NOSIP: variants seen among roughly 807,000 people sequenced by gnomAD.
NOSIP encodes nitric oxide synthase-interacting protein.
In NOSIP, 25 loss-of-function variants were observed where a neutral mutation model predicts 36.4. That is an observed-to-expected ratio of 0.69 (90% CI 0.50 to 0.96). The LOEUF (loss-of-function observed/expected upper bound fraction) is 0.96. Among genes scored for constraint, NOSIP ranks in the 40% least tolerant of loss-of-function variants. The probability of loss-of-function intolerance (pLI) is 0.00; values close to 1 mark genes in which losing one functional copy is unlikely to be tolerated. For missense variants in NOSIP, 370 were observed against 429.0 expected (o/e 0.86, Z 1.21); for synonymous variants, 187 against 179.2 (o/e 1.04, Z -0.35).
At position 49,560,489 on chromosome 19, in the gene NOSIP, A is replaced by G. The variant is rs1599748884; in HGVS notation, c.70+133T>C. On this transcript the variant is annotated intron_variant, in intron 2 of 8. Coordinates refer to ENST00000596358, the MANE Select transcript of NOSIP (RefSeq NM_001270960.2). This position sits in a 1 kb window ranked among gnomAD's most constrained non-coding sequence, Gnocchi z 4.6. ...ATGGGATCACCCAGCTGTTGTTTAC[A>G]TGGTCATGGCCATCAGTGTATATCG... 2 of 685,520 alleles carry G rather than the reference A, an allele frequency of 2.9e-6. No individual in the cohort carries two copies. The highest frequency in any genetic ancestry group is 5.2e-6 in the Non-Finnish European group (2 of 384,928). 42.5% of individuals were successfully genotyped at this position (685,520 alleles called of 1,614,324 possible). A position where few individuals can be genotyped will look rare whatever the true frequency, so the allele number is the denominator to read the frequency against.
chr19:49,576,210 A>C (rs188443215), intron 1 of NOSIP, among the ~76,000 whole-genome samples: 60 of 152,144 alleles, frequency 3.9e-4, no homozygotes, highest in African/African-American at 1.4e-3. Flanking sequence ...AAAGTCAGAT[A>C]TCTCCTGGCT....
At chr19:49,576,905 A>AAAAAAAAAAAAAAAAG (rs1568412796) in intron 1 of NOSIP, among the ~76,000 whole-genome samples, 1 of 151,630 alleles carries the variant, frequency 6.6e-6, no homozygotes, top group African/African-American at 2.4e-5. Flanking sequence ...AAAAAAAAAA[A>AAAAAAAAAAAAAAAAG]AAAATCAGGA....
intron 1 of NOSIP, among the ~76,000 whole-genome samples, chr19:49,577,628 G>T (rs551739793): frequency 6.6e-6 from 1 of 151,848 alleles, no homozygotes; most frequent in South Asian, 2.1e-4. Context: ...GCTGGGCGCC[G>T]ATGGCTCACA....
At chr19:49,557,562 A>G in intron 4 of NOSIP, 1 of 1,236,636 alleles carries the variant, frequency 8.1e-7, no homozygotes, top group South Asian at 2.6e-5. Flanking sequence ...GAAGGGTTAC[A>G]TAAGGTGAGT....
At chr19:49,558,637 C>T (rs2080289754) in intron 4 of NOSIP, 4 of 475,460 alleles carry the variant, frequency 8.4e-6, no homozygotes. Context: ...GGGCATGTGT[C>T]AGACAGCCAC....
At chr19:49,565,254 CAG>C (rs1467398120) in intron 1 of NOSIP, among the ~76,000 whole-genome samples, 1 of 148,374 alleles carries the variant, frequency 6.7e-6, no homozygotes, top group East Asian at 2.0e-4. Flanking sequence ...GCCTGGGAGT[CAG>C]AGTGAGACCC....
At chr19:49,566,958 GGC>G (rs1159400917) in intron 1 of NOSIP, among the ~76,000 whole-genome samples, 1 of 150,772 alleles carries the variant, frequency 6.6e-6, no homozygotes, top group Non-Finnish European at 1.5e-5. Flanking sequence ...TGGGATTACA[GGC>G]GCGCACCACC....
rs760425715 is a variant in NOSIP, at chr19:49,559,981, G to C, written c.129C>G (p.Phe43Leu). ...IRLSRDAVKD[F>L]DCCCLSLQPC... is the part of the protein sequence containing the mutation. ...GCTGCAGGGAGAGACAACAGCAGTC[G>C]AAGTCCTTCACGGCATCCCGGCTCA... The change falls in exon 3 of 9, where the codon TTC becomes TTG. Residue 43 changes from phenylalanine to leucine, a missense_variant. Around this residue, in one of 3 missense-constraint regions of NOSIP, gnomAD observed 315 missense variants for 331.9 expected, o/e 0.95. Coordinates refer to ENST00000596358, the MANE Select transcript of NOSIP (RefSeq NM_001270960.2). 4 of 1,613,818 alleles carry C rather than the reference G, an allele frequency of 2.5e-6. No individual in the cohort carries two copies. The Admixed American group carries it at 6.7e-5, about 27-fold the overall frequency.
At chr19:49,574,680 T>C (rs2080527796) in intron 1 of NOSIP, among the ~76,000 whole-genome samples, 1 of 152,124 alleles carries the variant, frequency 6.6e-6, no homozygotes, top group Non-Finnish European at 1.5e-5. Flanking sequence ...GGTTTGCAGA[T>C]GGCTATCTTC....
At chr19:49,568,162 GGA>G (rs2080435511) in intron 1 of NOSIP, among the ~76,000 whole-genome samples, 1 of 152,134 alleles carries the variant, frequency 6.6e-6, no homozygotes, top group Non-Finnish European at 1.5e-5. Flanking sequence ...GAATACAAAA[GGA>G]GAGAACAGTT....
At chr19:49,575,051 GA>G (rs1031000636) in intron 1 of NOSIP, among the ~76,000 whole-genome samples, 2 of 152,074 alleles carry the variant, frequency 1.3e-5, no homozygotes, top group African/African-American at 2.4e-5. Context: ...TTTTAGTAGA[GA>G]GGGGGTTTCA....
At chr19:49,565,486 C>T (rs968430949) in intron 1 of NOSIP, among the ~76,000 whole-genome samples, 4 of 152,002 alleles carry the variant, frequency 2.6e-5, no homozygotes, top group African/African-American at 4.8e-5. Context: ...CCATGGTGCA[C>T]GCCTGTAATC....
intron 1 of NOSIP, chr19:49,579,056 T>C (rs1299035593): frequency 6.6e-6 from 1 of 152,164 alleles, no homozygotes; most frequent in Non-Finnish European, 1.5e-5. Context: ...ATGAATCGAT[T>C]ACACCAAGAA....
rs1432713817 is a variant in NOSIP, at chr19:49,560,152, CAG to C, written c.71-115_71-114del. On this transcript the variant is annotated intron_variant, in intron 2 of 8. Coordinates refer to ENST00000596358, the MANE Select transcript of NOSIP (RefSeq NM_001270960.2). This position sits in a 1 kb window ranked among gnomAD's most constrained non-coding sequence, Gnocchi z 4.6. ...AACGCGGTGGTGGGGGTGGGGGACT[CAG>C]AGAGAAACAGGCAGTTGGGAGCCGC... The C allele has an allele frequency of 1.4e-6, 1 of 699,656 alleles. No individual in the cohort carries two copies. Among genetic ancestry groups the C allele is most frequent in the Non-Finnish European group, 2.4e-6 (1 of 409,402 alleles). 43.3% of individuals were successfully genotyped at this position (699,656 alleles called of 1,614,324 possible).
At position 49,576,664 on chromosome 19, in the gene NOSIP, C is replaced by G. The variant is rs186451361; in HGVS notation, c.-2+3851G>C. 2.0e-5 allele frequency among the ~76,000 whole-genome samples: 3 copies of G among 151,666 alleles called. No individual in the cohort carries two copies. In the East Asian group the frequency reaches 5.8e-4, roughly 29 times the overall value. Reference sequence around the variant, plus strand: ...CTTTGGGAGGCCGAGGTGGGCGGATCACCTGAGGTTGGGAATTCGAGACCA... The same window carrying G: ...CTTTGGGAGGCCGAGGTGGGCGGATGACCTGAGGTTGGGAATTCGAGACCA... On this transcript the variant is annotated intron_variant, in intron 1 of 8. Coordinates refer to ENST00000596358, the MANE Select transcript of NOSIP (RefSeq NM_001270960.2).
In NOSIP at chr19:49,558,938, A is replaced by G; in HGVS notation, c.217T>C (p.Tyr73His). Residue 73 changes from tyrosine to histidine, a missense_variant, in exon 4 of 9, where the codon TAC becomes CAC. By Grantham distance (83) the Tyr-to-His change is moderately conservative. Around this residue, in one of 3 missense-constraint regions of NOSIP, gnomAD observed 315 missense variants for 331.9 expected, o/e 0.95. Transcript: ENST00000596358. ...YLYEREAILEYILHQKKEIAR... is the reference protein window; with the variant it reads ...YLYEREAILEHILHQKKEIAR... ...ATCTCCTTCTTCTGGTGCAGAATGT[A>G]CTCCAGGATGGCCTCACGCTCATAC... 6.2e-7 allele frequency: 1 copy of G among 1,613,850 alleles called. No individual in the cohort carries two copies. The highest frequency in any genetic ancestry group is 8.5e-7 in the Non-Finnish European group (1 of 1,179,974).
chr19:49,565,302 G>A lies in NOSIP; in HGVS notation c.-1-4610C>T, dbSNP rs149951413. 2.2e-4 allele frequency among the ~76,000 whole-genome samples: 33 copies of A among 151,748 alleles called. No homozygotes were observed. In the East Asian group the frequency reaches 4.9e-3, roughly 23 times the overall value. The stretch of plus-strand genomic sequence containing the variant: ...AAAAAAAAGTCAGGTGCCTTTGGGA[G>A]GCAGAAGGTGGGGGTGACTAGGAGG... On this transcript the variant is annotated intron_variant, in intron 1 of 8. Transcript: ENST00000596358.
At chr19:49,573,517 C>T (rs1396725409) in intron 1 of NOSIP, among the ~76,000 whole-genome samples, 1 of 152,072 alleles carries the variant, frequency 6.6e-6, no homozygotes, top group Non-Finnish European at 1.5e-5. Flanking sequence ...TGGGAGGTCT[C>T]AGAGATGTCA....
chr19:49,579,536 A>G (rs2080597901), intron 1 of NOSIP, among the ~76,000 whole-genome samples: 1 of 152,216 alleles, frequency 6.6e-6, no homozygotes, highest in South Asian at 2.1e-4. Flanking sequence ...AATTTAATCA[A>G]GTTAATCAAT....
Sources: gnomAD v4.1 joint callset for allele counts (sites outside exome capture counted in the v4.1 genomes callset) on GRCh38, gnomAD v4.1.1 for gene constraint, gnomAD v4.1.1 regional missense constraint, Gnocchi (gnomAD v3.1) non-coding constraint, MANE v1.5 for transcripts, NCBI Gene and HGNC (gene_info 2026-07-23, HGNC 2026-07-21) for gene names.